The following AFF3 variants were observed in gnomAD, a reference collection of about 807,000 sequenced individuals.
AFF3 encodes the protein AF4/FMR2 family member 3.
Under a neutral mutation model 129.7 loss-of-function variants are expected in AFF3, and 32 were observed. That is an observed-to-expected ratio of 0.25 (90% CI 0.19 to 0.33). The LOEUF is 0.33. AFF3 is among the 10% of genes least tolerant of loss of function. AFF3 has a pLI of 1.00. For missense variants in AFF3, 1,373 were observed against 1,592.0 expected (o/e 0.86, Z 2.34); for synonymous variants, 644 against 635.4 (o/e 1.01, Z -0.20).
intron 7 of AFF3, among the ~76,000 whole-genome samples, chr2:100,000,034 C>A (rs548754456): frequency 6.6e-6 from 1 of 152,296 alleles, no homozygotes; most frequent in East Asian, 1.9e-4. Context: ...CTGCAAACAG[C>A]ACCAGGGAGA....
intron 11 of AFF3, among the ~76,000 whole-genome samples, chr2:99,705,888 A>AAC (rs1575749648): frequency 6.6e-6 from 1 of 150,806 alleles, no homozygotes; most frequent in East Asian, 1.9e-4. Flanking sequence ...AAAAAAAAAA[A>AAC]AAAAAAAAAA....
At chr2:100,046,804 T>G (rs1185023647) in intron 4 of AFF3, among the ~76,000 whole-genome samples, 1 of 152,134 alleles carries the variant, frequency 6.6e-6, no homozygotes, top group Non-Finnish European at 1.5e-5. Context: ...CAGCCAGGCA[T>G]CTTGAGCAGG....
intron 14 of AFF3, 133 bp from the exon 15 acceptor site, chr2:99,594,422 A>T: frequency 7.5e-7 from 1 of 1,336,074 alleles, no homozygotes; most frequent in Non-Finnish European, 1.0e-6. Context: ...AAGCAAAAGG[A>T]AAATGGAAGC....
chr2:99,694,456 G>T (rs1163782544), intron 11 of AFF3, among the ~76,000 whole-genome samples: 1 of 152,042 alleles, frequency 6.6e-6, no homozygotes, highest in Non-Finnish European at 1.5e-5. Flanking sequence ...GTGTGCTGAG[G>T]TCACCCAGGC....
chr2:99,671,736 A>G (rs1301993363), intron 12 of AFF3, among the ~76,000 whole-genome samples: 2 of 152,224 alleles, frequency 1.3e-5, no homozygotes, highest in East Asian at 3.8e-4. Context: ...CATCACATGT[A>G]TCTAAACTTG....
intron 2 of AFF3, 26 bp from the exon 3 acceptor site, chr2:100,105,609 G>T: frequency 7.5e-7 from 1 of 1,336,402 alleles, no homozygotes; most frequent in Non-Finnish European, 9.9e-7. Flanking sequence ...GAGTATCATC[G>T]TGGCTCCTAA....
At chr2:100,091,202 T>C (rs1193654871) in intron 4 of AFF3, among the ~76,000 whole-genome samples, 2 of 151,886 alleles carry the variant, frequency 1.3e-5, no homozygotes, top group Admixed American at 6.6e-5. Context: ...TGGGGAATAG[T>C]AGAATCCACC....
At chr2:99,786,675 T>G (rs986265979) in intron 8 of AFF3, among the ~76,000 whole-genome samples, 1 of 152,064 alleles carries the variant, frequency 6.6e-6, no homozygotes, top group African/African-American at 2.4e-5. Flanking sequence ...GCTATAAAGT[T>G]GCATAGTAAA....
intron 4 of AFF3, among the ~76,000 whole-genome samples, chr2:100,078,353 A>G (rs903371038): frequency 6.6e-6 from 1 of 152,256 alleles, no homozygotes. Context: ...CCCTAAACTC[A>G]CAGCTTTTAC....
At chr2:99,791,252 C>T (rs550639911) in intron 8 of AFF3, among the ~76,000 whole-genome samples, 2 of 152,196 alleles carry the variant, frequency 1.3e-5, no homozygotes, top group African/African-American at 2.4e-5. Context: ...CTACCCTTGG[C>T]GGATTGGTTC....
At chr2:99,756,056 A>C (rs947908518) in intron 8 of AFF3, among the ~76,000 whole-genome samples, 9 of 152,194 alleles carry the variant, frequency 5.9e-5, no homozygotes, top group African/African-American at 2.2e-4. Context: ...GGACTTCTCT[A>C]AACTTGGGCC....
chr2:99,576,433 G>GTT (rs1311894938), intron 18 of AFF3, among the ~76,000 whole-genome samples: 2 of 149,282 alleles, frequency 1.3e-5, no homozygotes, highest in African/African-American at 4.9e-5. Flanking sequence ...AGAAGATAGC[G>GTT]TAAGCCCAGG....
chr2:100,030,107 T>TGATA (rs1684375132), intron 4 of AFF3, among the ~76,000 whole-genome samples: 1 of 151,196 alleles, frequency 6.6e-6, no homozygotes, highest in African/African-American at 2.4e-5. Context: ...AATGATAAGA[T>TGATA]GATAAACTTC....
At chr2:100,009,618 G>A (rs17023416) in intron 4 of AFF3, among the ~76,000 whole-genome samples, 4,006 of 152,238 alleles carry the variant, frequency 0.026, 186 homozygotes, top group African/African-American at 0.093. Context: ...AAGGAACTCC[G>A]CCTTTTGTTG....
rs749968669 is a variant in AFF3 at position 99,568,965 on chromosome 2, CTT to C, written c.2919-52_2919-51del. The C allele has an allele frequency of 3.3e-6, 5 of 1,522,250 alleles. No homozygotes were observed. In the African/African-American group the frequency reaches 5.5e-5, roughly 17 times the overall value. The allele number at this position is 1,522,250 out of a possible 1,614,324, so 94.3% of individuals were successfully genotyped here. A position where few individuals can be genotyped will look rare whatever the true frequency, so the allele number is the denominator to read the frequency against. On this transcript the variant is annotated intron_variant, in intron 18 of 24. Transcript: ENST00000672756. Reference sequence around the variant, plus strand: ...CGTCATTATGGCTTAAGTGCAACGTCTTTTTAAAATATTCCTTCCTTTCACTC... The same window carrying C: ...CGTCATTATGGCTTAAGTGCAACGTCTTTAAAATATTCCTTCCTTTCACTC...
At chr2:99,587,804 G>A (rs1411536349) in intron 15 of AFF3, among the ~76,000 whole-genome samples, 1 of 152,118 alleles carries the variant, frequency 6.6e-6, no homozygotes, top group Non-Finnish European at 1.5e-5. Context: ...GAGGTCAGGA[G>A]ATCAACACCA....
chr2:99,832,985 G>A (rs1480805892), intron 8 of AFF3, among the ~76,000 whole-genome samples: 1 of 152,212 alleles, frequency 6.6e-6, no homozygotes, highest in Non-Finnish European at 1.5e-5. Flanking sequence ...CTGAAGCAGG[G>A]AAGATTTGAC....
chr2:100,037,343 A>T (rs1017384288), intron 4 of AFF3, among the ~76,000 whole-genome samples: 2 of 147,744 alleles, frequency 1.4e-5, no homozygotes, highest in African/African-American at 5.0e-5. Flanking sequence ...CATGTGTGAA[A>T]GGCCCAAATA....
chr2:100,010,173 C>T (rs1682385832), intron 4 of AFF3, among the ~76,000 whole-genome samples: 1 of 152,124 alleles, frequency 6.6e-6, no homozygotes, highest in Admixed American at 6.6e-5. Flanking sequence ...TTTGGAGTAG[C>T]TTTAGGTGCC....
Sources: allele counts gnomAD v4.1 joint callset (sites outside exome capture counted in the v4.1 genomes callset), GRCh38; gene constraint gnomAD v4.1.1; transcripts MANE v1.5; gene names NCBI Gene and HGNC (gene_info 2026-07-23, HGNC 2026-07-21).